The following RBFOX3 variants were observed in gnomAD, a reference collection of about 807,000 sequenced individuals.
The protein encoded by RBFOX3 is RNA binding protein fox-1 homolog 3.
Under a neutral mutation model 48.7 loss-of-function variants are expected in RBFOX3, and 17 were observed. That is an observed-to-expected ratio of 0.35 (90% CI 0.24 to 0.52). The LOEUF (loss-of-function observed/expected upper bound fraction) is 0.52. Among genes scored for constraint, RBFOX3 ranks in the 20% least tolerant of loss-of-function variants. The pLI, the probability that RBFOX3 is intolerant of heterozygous loss-of-function variation, is 0.94. For synonymous variants in RBFOX3, 212 were observed against 209.5 expected, an observed-to-expected ratio of 1.01 and a Z score of -0.10; for missense variants, 382 against 497.5, an observed-to-expected ratio of 0.77 and a Z score of 2.21.
chr17:79,387,364 C>T (rs199762730), intron 2 of RBFOX3, among the ~76,000 whole-genome samples: 1 of 152,324 alleles, frequency 6.6e-6, no homozygotes, highest in East Asian at 1.9e-4. Flanking sequence ...AACTCACAGG[C>T]GTGAGTCAAA....
At chr17:79,322,818 C>T (rs11651982) in intron 2 of RBFOX3, among the ~76,000 whole-genome samples, 64,682 of 152,086 alleles carry the variant, frequency 0.43, 14,769 homozygotes, top group Non-Finnish European at 0.53. Flanking sequence ...GTGAGCTGAC[C>T]GGCAGCACTG....
intron 5 of RBFOX3, 55 bp from the exon 6 acceptor site, chr17:79,106,843 C>T: frequency 6.8e-7 from 1 of 1,469,208 alleles, no homozygotes; most frequent in Non-Finnish European, 8.9e-7. Context: ...GGTTGCCCAT[C>T]CCCTCTGCTA....
chr17:79,248,723 A>G (rs60718924), intron 3 of RBFOX3, among the ~76,000 whole-genome samples: 79,802 of 152,086 alleles, frequency 0.52, 21,142 homozygotes, highest in Middle Eastern at 0.65. Context: ...GGGTGCTTGT[A>G]TCCCTAGGCA....
intron 2 of RBFOX3, among the ~76,000 whole-genome samples, chr17:79,310,600 C>T (rs535851641): frequency 2.0e-4 from 31 of 152,160 alleles, no homozygotes; most frequent in African/African-American, 6.7e-4. Flanking sequence ...CCTGTCCTGT[C>T]GGCGAGGTGG....
chr17:79,138,392 T>G (rs1011601167), intron 4 of RBFOX3, among the ~76,000 whole-genome samples: 11 of 151,808 alleles, frequency 7.2e-5, no homozygotes, highest in African/African-American at 2.7e-4. Flanking sequence ...ACATACACAG[T>G]GCACACTCTC....
rs2073690117 is a variant in RBFOX3, at chr17:79,090,572, G to A, written c.*311C>T. The A allele has an allele frequency of 2.5e-6, 1 of 407,268 alleles. No individual in the cohort carries two copies. The allele number at this position is 407,268 out of a possible 1,614,324, so 25.2% of individuals were successfully genotyped here. The stretch of plus-strand genomic sequence containing the variant: ...ACAGAGCCCCCCACGGGTCCCACAA[G>A]GGAGGCCCCTTCCCCTCCAACTCCC... On this transcript the variant is annotated 3_prime_UTR_variant, in exon 15 of 15. Transcript: ENST00000693108.
At chr17:79,564,438 G>A (rs1042547030) in intron 1 of RBFOX3, among the ~76,000 whole-genome samples, 1 of 152,194 alleles carries the variant, frequency 6.6e-6, no homozygotes, top group African/African-American at 2.4e-5. Flanking sequence ...TGGCCTTGCT[G>A]GCTGGTGGGG....
rs139917534 is a variant in RBFOX3 at position 79,198,973 on chromosome 17, A to G, written c.-34+36793T>C. On this transcript the variant is annotated intron_variant, in intron 4 of 14. Transcript: ENST00000693108. This position sits in a 1 kb window ranked among gnomAD's most constrained non-coding sequence, Gnocchi z 8.2. ...ATTCTACTGCTTCCCACTGGTTAAA[A>G]TACAAATTGTCTCCTGCAAAGATGC... Among the ~76,000 whole-genome samples, 491 of 152,292 alleles carry G rather than the reference A, an allele frequency of 3.2e-3. 5 individuals carry two copies. The highest frequency in any genetic ancestry group is 0.011 in the African/African-American group (474 of 41,562).
chr17:79,466,836 G>A (rs1555754037), intron 2 of RBFOX3, among the ~76,000 whole-genome samples: 1 of 152,068 alleles, frequency 6.6e-6, no homozygotes, highest in African/African-American at 2.4e-5. Flanking sequence ...CCGATGAGAG[G>A]CCACAGGTCT....
At chr17:79,523,441 G>A (rs2086385256) in intron 1 of RBFOX3, among the ~76,000 whole-genome samples, 1 of 152,210 alleles carries the variant, frequency 6.6e-6, no homozygotes, top group African/African-American at 2.4e-5. Context: ...CTGGAGGGAG[G>A]AGAGGTCCTT....
intron 2 of RBFOX3, among the ~76,000 whole-genome samples, chr17:79,379,890 G>A (rs1233330951): frequency 6.6e-6 from 1 of 152,108 alleles, no homozygotes; most frequent in Non-Finnish European, 1.5e-5. Context: ...TCTCAGGCCC[G>A]CACGAGTCTG....
At chr17:79,442,270 A>G (rs1243586742) in intron 2 of RBFOX3, among the ~76,000 whole-genome samples, 1,254 of 13,386 alleles carry the variant, frequency 0.094, 391 homozygotes, top group South Asian at 0.19. Flanking sequence ...AGAGAGAGAG[A>G]GAGAGAGAGA....
intron 8 of RBFOX3, among the ~76,000 whole-genome samples, chr17:79,102,709 G>A (rs567522540): frequency 6.6e-6 from 1 of 152,320 alleles, no homozygotes; most frequent in Non-Finnish European, 1.5e-5. Flanking sequence ...CAAACAAGGG[G>A]TGGAGTGGGG....
chr17:79,469,389 C>G (rs1434856003), intron 2 of RBFOX3, among the ~76,000 whole-genome samples: 1 of 152,208 alleles, frequency 6.6e-6, no homozygotes, highest in Non-Finnish European at 1.5e-5. Context: ...GCACCAGGGA[C>G]CAGACCTGAC....
At chr17:79,627,454 G>A in the RBFOX3 span, among the ~76,000 whole-genome samples, 1 of 152,206 alleles carries the variant, frequency 6.6e-6, no homozygotes. Context: ...TGCCAGGGAT[G>A]GGACCAGGGC....
At chr17:79,240,333 T>C (rs1007207457) in intron 3 of RBFOX3, among the ~76,000 whole-genome samples, 36 of 152,224 alleles carry the variant, frequency 2.4e-4, no homozygotes, top group Admixed American at 7.9e-4. Context: ...CTCCCACTCA[T>C]TGGTGGCCCT....
chr17:79,510,248 C>A (rs1041451060), intron 1 of RBFOX3, among the ~76,000 whole-genome samples: 1 of 152,168 alleles, frequency 6.6e-6, no homozygotes, highest in Non-Finnish European at 1.5e-5. Flanking sequence ...ATCCTCCCGG[C>A]CAGGCCCCGG....
At chr17:79,645,974 C>A in the RBFOX3 span, among the ~76,000 whole-genome samples, 1 of 152,158 alleles carries the variant, frequency 6.6e-6, no homozygotes, top group Non-Finnish European at 1.5e-5. Context: ...AAACTGTTTC[C>A]TCTCTTTACA....
the RBFOX3 span, among the ~76,000 whole-genome samples, chr17:79,629,963 T>C: frequency 6.6e-6 from 1 of 152,220 alleles, no homozygotes; most frequent in African/African-American, 2.4e-5. Flanking sequence ...TGGTTTCCTC[T>C]GTGTAAGTGG....
Sources: allele counts gnomAD v4.1 joint callset (sites outside exome capture counted in the v4.1 genomes callset), GRCh38; gene constraint gnomAD v4.1.1; non-coding constraint Gnocchi (gnomAD v3.1); transcripts MANE v1.5; gene names NCBI Gene and HGNC (gene_info 2026-07-23, HGNC 2026-07-21).